The following VMP1 variants were observed in gnomAD, a reference collection of about 807,000 sequenced individuals.
VMP1 encodes vacuole membrane protein 1.
In VMP1, 11 loss-of-function variants were observed where a neutral mutation model predicts 56.0. That is an observed-to-expected ratio of 0.20 (90% CI 0.12 to 0.32). The LOEUF (loss-of-function observed/expected upper bound fraction) is 0.32, where lower values mean the gene tolerates loss of function less well. Among genes scored for constraint, VMP1 ranks in the 10% least tolerant of loss-of-function variants. The pLI is 1.00. For synonymous variants in VMP1, 149 were observed against 165.0 expected (o/e 0.90, Z 0.74); for missense variants, 296 against 490.3 (o/e 0.60, Z 3.74).
intron 7 of VMP1, among the ~76,000 whole-genome samples, chr17:59,781,969 T>A (rs1598386022): frequency 6.6e-6 from 1 of 152,104 alleles, no homozygotes; most frequent in African/African-American, 2.4e-5. Context: ...AGTGCAGTGG[T>A]GTGATCTTGG....
intron 7 of VMP1, chr17:59,784,673 G>C (rs1477637597): frequency 6.6e-6 from 1 of 152,190 alleles, no homozygotes; most frequent in Non-Finnish European, 1.5e-5. Context: ...GTAAGAAAAA[G>C]TGTAGCATTA....
intron 1 of VMP1, among the ~76,000 whole-genome samples, chr17:59,716,337 C>T (rs957165532): frequency 1.3e-5 from 2 of 152,118 alleles, no homozygotes; most frequent in Admixed American, 6.5e-5. Context: ...ATAGATACTA[C>T]GTGAGTTTCG....
chr17:59,723,556 C>T (rs940111262), intron 1 of VMP1, among the ~76,000 whole-genome samples: 1 of 152,088 alleles, frequency 6.6e-6, no homozygotes, highest in African/African-American at 2.4e-5. Context: ...TTTGTCGGAG[C>T]AGAAGTCATA....
intron 5 of VMP1, among the ~76,000 whole-genome samples, chr17:59,751,610 G>T (rs930711060): frequency 6.7e-6 from 1 of 148,834 alleles, no homozygotes; most frequent in South Asian, 2.2e-4. Flanking sequence ...GGCGTGGTGG[G>T]GGGGGCGCCT....
chr17:59,804,626 A>T (rs2037786499), intron 7 of VMP1, among the ~76,000 whole-genome samples: 1 of 151,316 alleles, frequency 6.6e-6, no homozygotes, highest in Non-Finnish European at 1.5e-5. Flanking sequence ...AAAAAAAAAA[A>T]AAAAAAAAAA....
chr17:59,832,182 C>CT (rs766864144), intron 10 of VMP1, among the ~76,000 whole-genome samples: 20,831 of 102,620 alleles, frequency 0.2, 3,689 homozygotes, highest in African/African-American at 0.25. Flanking sequence ...ATGAGATCAA[C>CT]TTTTTTTTTT....
intron 7 of VMP1, among the ~76,000 whole-genome samples, chr17:59,792,854 A>AAAAAATAATAATAATAAT (rs1410703669): frequency 1.2e-5 from 1 of 86,436 alleles, no homozygotes; most frequent in Non-Finnish European, 2.7e-5. Flanking sequence ...CCATCTCAAA[A>AAAAAATAATAATAATAAT]AATAATAATA....
At chr17:59,780,575 GTTTTTGT>G (rs1225170715) in intron 7 of VMP1, among the ~76,000 whole-genome samples, 25 of 151,082 alleles carry the variant, frequency 1.7e-4, no homozygotes, top group African/African-American at 6.2e-4. Flanking sequence ...GTTTGTTTTT[GTTTTTGT>G]TTTTTGTTTT....
intron 10 of VMP1, among the ~76,000 whole-genome samples, chr17:59,833,119 T>G (rs1471355828): frequency 1.3e-5 from 2 of 152,110 alleles, no homozygotes; most frequent in Non-Finnish European, 2.9e-5. Context: ...CCACCGTGTG[T>G]GCACTTTAAA....
At chr17:59,826,687 G>A (rs552652159) in intron 10 of VMP1, among the ~76,000 whole-genome samples, 2 of 152,300 alleles carry the variant, frequency 1.3e-5, no homozygotes, top group African/African-American at 4.8e-5. Flanking sequence ...TACTATTACA[G>A]AGAAGTTAAA....
rs2039101396 is a variant in VMP1, at chr17:59,839,785, C to T, written c.1095C>T (p.Ser365=). ...MGTPQGENWL[S]WMFEKLVVVM... is the part of the protein sequence containing the mutation. ...TTCTACAGGGAGAAAACTGGTTGTC[C>T]TGGATGTTTGAAAAGTTGGTCGTTG... The change falls in exon 12 of 12, where the codon TCC becomes TCT. Residue 365 remains serine (S), a synonymous_variant. Transcript: ENST00000262291. 15 of 1,612,194 alleles carry T rather than the reference C, an allele frequency of 9.3e-6. No individual in the cohort carries two copies. The highest frequency in any genetic ancestry group is 3.4e-5 in the Admixed American group (2 of 59,322).
At chr17:59,835,791 C>T (rs1256186725) in intron 10 of VMP1, among the ~76,000 whole-genome samples, 2 of 150,048 alleles carry the variant, frequency 1.3e-5, no homozygotes, top group Non-Finnish European at 3.0e-5. Context: ...CTCCCGGCCA[C>T]ATAAATTTGC....
intron 5 of VMP1, 53 bp from the exon 6 acceptor site, chr17:59,764,918 A>G: frequency 2.3e-6 from 3 of 1,326,338 alleles, no homozygotes; most frequent in Middle Eastern, 2.0e-4. Flanking sequence ...AATAATGTGT[A>G]TTGATAATTT....
chr17:59,783,027 C>T (rs1476518948), intron 7 of VMP1, among the ~76,000 whole-genome samples: 1 of 151,966 alleles, frequency 6.6e-6, no homozygotes, highest in Non-Finnish European at 1.5e-5. Flanking sequence ...AACCCCGTCT[C>T]CACTAAAAAA....
rs369682669 is a variant in VMP1 at position 59,710,026 on chromosome 17, T to C, written c.-27+2278T>C. On this transcript the variant is annotated intron_variant, in intron 1 of 11. Transcript: ENST00000262291. ...TCCTGGCTAATACAGTGAAACCCTG[T>C]CTCTACTAAAAATACAAAAAATTAG... 2.2e-4 allele frequency among the ~76,000 whole-genome samples: 34 copies of C among 151,972 alleles called. 2 individuals carry two copies. Among genetic ancestry groups the C allele is most frequent in the East Asian group, 1.7e-3 (9 of 5,182 alleles).
chr17:59,708,506 A>G (rs1487174245), intron 1 of VMP1, among the ~76,000 whole-genome samples: 1 of 151,692 alleles, frequency 6.6e-6, no homozygotes, highest in Non-Finnish European at 1.5e-5. Context: ...TTTACCTGCA[A>G]CTCCATGTAA....
At chr17:59,789,955 C>G (rs1197944914) in intron 7 of VMP1, among the ~76,000 whole-genome samples, 5 of 149,656 alleles carry the variant, frequency 3.3e-5, no homozygotes, top group Non-Finnish European at 1.5e-5. Context: ...TTCTCCTGCC[C>G]CAGCCTCCCA....
At chr17:59,779,847 G>A (rs2036757500) in intron 7 of VMP1, among the ~76,000 whole-genome samples, 1 of 152,076 alleles carries the variant, frequency 6.6e-6, no homozygotes, top group African/African-American at 2.4e-5. Flanking sequence ...TTTGATTTTG[G>A]AATTTTAAAG....
chr17:59,811,639 A>G (rs559276800), intron 8 of VMP1, 31 bp from the exon 9 acceptor site: 62 of 1,478,428 alleles, frequency 4.2e-5, no homozygotes, highest in Non-Finnish European at 5.5e-5. Flanking sequence ...TTTGGATTAT[A>G]ATATGGAAGT....
Sources: gnomAD v4.1 joint callset for allele counts (sites outside exome capture counted in the v4.1 genomes callset) on GRCh38, gnomAD v4.1.1 for gene constraint, MANE v1.5 for transcripts, NCBI Gene and HGNC (gene_info 2026-07-23, HGNC 2026-07-21) for gene names.